Variants in AKR1E2 observed in about 807,000 individuals in gnomAD.
AKR1E2 encodes the protein aldo-keto reductase family 1 member E2, also known as 1,5-anhydro-D-fructose reductase.
In AKR1E2, 43 loss-of-function variants were observed where a neutral mutation model predicts 41.9. That is an observed-to-expected ratio of 1.03 (90% confidence interval 0.80 to 1.32). AKR1E2 has a LOEUF of 1.32. Ranked by LOEUF, AKR1E2 falls within the 40% of genes most tolerant of loss-of-function variation. The pLI is 0.00. For missense variants in AKR1E2, 423 were observed against 396.5 expected, an observed-to-expected ratio of 1.07 and a Z score of -0.57; for synonymous variants, 121 against 138.9, an observed-to-expected ratio of 0.87 and a Z score of 0.91.
chr10:4,854,049 T>G, the AKR1E2 span, among the ~76,000 whole-genome samples: 1 of 151,164 alleles, frequency 6.6e-6, no homozygotes, highest in African/African-American at 2.4e-5. Flanking sequence ...TGGGGCTGTT[T>G]TGTCTATGGA....
At chr10:4,841,725 A>G (rs1024228406) in intron 6 of AKR1E2, 60 bp from the exon 7 acceptor site, 3 of 1,258,466 alleles carry the variant, frequency 2.4e-6, no homozygotes, top group Admixed American at 5.0e-5. Flanking sequence ...TCTTCTTTCT[A>G]AAGAAAGGGG....
At chr10:4,844,697 G>A (rs536984241) in intron 8 of AKR1E2, among the ~76,000 whole-genome samples, 16 of 152,070 alleles carry the variant, frequency 1.1e-4, no homozygotes, top group South Asian at 2.1e-4. Flanking sequence ...AGTGTCGATT[G>A]GTGCATTCAC....
Position 4,826,351 on chromosome 10 carries a change from C to T in AKR1E2, c.27C>T (p.Leu9=). Residue 9 remains leucine (L), a synonymous_variant, in exon 1 of 10, where the codon CTC becomes CTT. Coordinates refer to ENST00000298375, the MANE Select transcript of AKR1E2 (RefSeq NM_001040177.3). The part of the protein sequence containing the change: MGDIPAVG[L]SSWKASPGKV... ...TGGGAGATATCCCAGCCGTGGGCCTCAGCTCCTGGAAGGTGACGCGGTCGC... is the reference window on the plus strand; with the variant it reads ...TGGGAGATATCCCAGCCGTGGGCCTTAGCTCCTGGAAGGTGACGCGGTCGC... The T allele has an allele frequency of 1.6e-6, 2 of 1,234,966 alleles. No homozygotes were observed. Among genetic ancestry groups the T allele is most frequent in the African/African-American group, 3.1e-5 (2 of 64,440 alleles). The allele number at this position is 1,234,966 out of a possible 1,614,324, so 76.5% of individuals were successfully genotyped here. A position where few individuals can be genotyped will look rare whatever the true frequency, so the allele number is the denominator to read the frequency against.
At chr10:4,841,155 G>C (rs1833840397) in intron 6 of AKR1E2, among the ~76,000 whole-genome samples, 1 of 152,062 alleles carries the variant, frequency 6.6e-6, no homozygotes, top group Non-Finnish European at 1.5e-5. Flanking sequence ...GGGCAACTGG[G>C]CACTCTGTTT....
intron 7 of AKR1E2, 54 bp downstream of exon 7, chr10:4,841,911 C>T (rs1588471601): frequency 6.5e-7 from 1 of 1,536,706 alleles, no homozygotes; most frequent in South Asian, 1.2e-5. Context: ...CGCTCTACAT[C>T]CTTGGGGAGT....
chr10:4,852,602 C>T (rs548936132), downstream of AKR1E2, among the ~76,000 whole-genome samples: 35 of 152,150 alleles, frequency 2.3e-4, no homozygotes, highest in African/African-American at 7.9e-4. Context: ...AGACCTTCAC[C>T]ACTGTGCCAC....
At chr10:4,866,650 T>G in the AKR1E2 span, among the ~76,000 whole-genome samples, 1 of 144,964 alleles carries the variant, frequency 6.9e-6, no homozygotes, top group African/African-American at 2.6e-5. Flanking sequence ...TTTTTGTTTT[T>G]TTTTTTTTTT....
chr10:4,825,828 G>A (rs1270248940), upstream of AKR1E2, among the ~76,000 whole-genome samples: 1 of 152,236 alleles, frequency 6.6e-6, no homozygotes, highest in African/African-American at 2.4e-5. Context: ...CCCTGGAACG[G>A]TGAAGACTCT....
chr10:4,844,538 C>A (rs1834158439), intron 8 of AKR1E2, among the ~76,000 whole-genome samples: 1 of 152,148 alleles, frequency 6.6e-6, no homozygotes, highest in African/African-American at 2.4e-5. Context: ...TTACAGAGAG[C>A]CGAGTGGTCT....
chr10:4,871,389 C>G, the AKR1E2 span, among the ~76,000 whole-genome samples: 1 of 151,892 alleles, frequency 6.6e-6, no homozygotes, highest in Non-Finnish European at 1.5e-5. Flanking sequence ...AAATTAAAAC[C>G]TGGACATTTT....
At chr10:4,865,669 C>T in the AKR1E2 span, among the ~76,000 whole-genome samples, 1 of 152,068 alleles carries the variant, frequency 6.6e-6, no homozygotes, top group Non-Finnish European at 1.5e-5. Flanking sequence ...GGAAAAATAG[C>T]CCTTTCAGTG....
the AKR1E2 span, among the ~76,000 whole-genome samples, chr10:4,861,339 G>A: frequency 6.6e-6 from 1 of 152,014 alleles, no homozygotes; most frequent in African/African-American, 2.4e-5. Context: ...CATTTTTTTG[G>A]GAGGGGAGTA....
intron 2 of AKR1E2, among the ~76,000 whole-genome samples, chr10:4,831,160 G>A (rs1028408323): frequency 3.9e-5 from 6 of 152,204 alleles, no homozygotes; most frequent in East Asian, 3.8e-4. Flanking sequence ...TTTACACAGC[G>A]ATTCCTAAAT....
At chr10:4,838,539 T>C (rs1833618163) in intron 5 of AKR1E2, among the ~76,000 whole-genome samples, 1 of 152,148 alleles carries the variant, frequency 6.6e-6, no homozygotes, top group African/African-American at 2.4e-5. Flanking sequence ...AAAAGTTCTG[T>C]ATGGAGTAGA....
At chr10:4,833,321 G>A (rs375367575) in intron 2 of AKR1E2, 29 bp from the exon 3 acceptor site, 44 of 1,576,388 alleles carry the variant, frequency 2.8e-5, no homozygotes, top group Middle Eastern at 3.3e-4. Flanking sequence ...GGGTGGGCAC[G>A]TGTGACGCTG....
the AKR1E2 span, among the ~76,000 whole-genome samples, chr10:4,856,896 A>AT: frequency 6.7e-6 from 1 of 149,822 alleles, no homozygotes; most frequent in African/African-American, 2.5e-5. Context: ...GTTCGGTGGT[A>AT]TTAAGTACAT....
rs376562439 is a variant in AKR1E2 at position 4,835,443 on chromosome 10, C to T, written c.325-232C>T. On this transcript the variant is annotated intron_variant, in intron 3 of 9. Transcript: ENST00000298375. ...CAGTAAGGATACAGGGTCTTCCTTT[C>T]CCATCTTGTGAGAGATGAACAGTGA... 5.4e-4 allele frequency among the ~76,000 whole-genome samples: 82 copies of T among 152,306 alleles called. 1 individual carries two copies. The East Asian group carries it at 0.011, about 21-fold the overall frequency.
At chr10:4,833,537 G>T (rs929511023) in intron 3 of AKR1E2, 71 bp downstream of exon 3, 10 of 1,313,972 alleles carry the variant, frequency 7.6e-6, no homozygotes, top group Middle Eastern at 1.9e-4. Context: ...CCTGTCTTGC[G>T]GTGGGGAGAG....
chr10:4,871,792 G>A, the AKR1E2 span: 1 of 152,140 alleles, frequency 6.6e-6, no homozygotes. Flanking sequence ...TGACTGAGCA[G>A]GCTAATCAAT....
Sources: gnomAD v4.1 joint callset for allele counts (sites outside exome capture counted in the v4.1 genomes callset) on GRCh38, gnomAD v4.1.1 for gene constraint, MANE v1.5 for transcripts, NCBI Gene and HGNC (gene_info 2026-07-23, HGNC 2026-07-21) for gene names.